The following CCT6A variants were observed in gnomAD, a reference collection of about 807,000 sequenced individuals.
CCT6A encodes chaperonin containing TCP1 subunit 6A.
In CCT6A, 6 loss-of-function variants were observed where a neutral mutation model predicts 58.6. The ratio of observed to expected loss-of-function variants is 0.10; its 90% CI spans 0.06 to 0.20. The LOEUF is 0.20. Among genes scored for constraint, CCT6A ranks in the 10% least tolerant of loss-of-function variants. CCT6A has a pLI of 1.00. For missense variants in CCT6A, 516 were observed against 648.8 expected (o/e 0.80, Z 2.22); for synonymous variants, 245 against 227.8 (o/e 1.08, Z -0.68).
rs1444310617 is a variant in CCT6A at position 56,060,967 on chromosome 7, TC to T, written c.1347+29del. On this transcript the variant is annotated intron_variant, in intron 11 of 13. Transcript: ENST00000275603. ...TGTGCATGCTTTTAACAGTCAATCT[TC>T]CAAAAGATTCAGCTGATCAAACCTT... The T allele has an allele frequency of 3.8e-6, 6 of 1,572,068 alleles. No individual in the cohort carries two copies. In the African/African-American group the frequency reaches 6.9e-5, roughly 18 times the overall value.
Position 56,051,785 on chromosome 7 carries a change from C to T in CCT6A, c.-64C>T, listed in dbSNP as rs997827517. ...TTTCCAGAAGACCCGGATAGTTCCT[C>T]CCGGCCACGCCGCGCCGGCTCTGGG... On this transcript the variant is annotated 5_prime_UTR_variant, in exon 1 of 14. Transcript: ENST00000275603. The T allele has an allele frequency of 4.6e-6, 7 of 1,531,442 alleles. No individual in the cohort carries two copies. Among genetic ancestry groups the T allele is most frequent in the Admixed American group, 4.0e-5 (2 of 49,752 alleles). The allele number at this position is 1,531,442 out of a possible 1,614,324, so 94.9% of individuals were successfully genotyped here.
chr7:56,061,983 T>G (rs1038839974), intron 12 of CCT6A, 134 bp downstream of exon 12: 2 of 507,740 alleles, frequency 3.9e-6, no homozygotes, highest in African/African-American at 4.1e-5. Flanking sequence ...TAAAATGGGA[T>G]AAAATAGGAT....
chr7:56,062,916 A>G, intron 13 of CCT6A, 97 bp from the exon 14 acceptor site: 1 of 1,155,220 alleles, frequency 8.7e-7, no homozygotes, highest in Non-Finnish European at 1.3e-6. Context: ...GGGAAATTTA[A>G]TTGGATGTAA....
rs1206668767 is a variant in CCT6A, at chr7:56,055,607, ATGTG to A, written c.337-13_337-10del. On this transcript the variant is annotated splice_polypyrimidine_tract_variant and intron_variant, in intron 3 of 13. Transcript: ENST00000275603. The stretch of plus-strand genomic sequence containing the variant: ...CACCTAATTGAAGATGCAAGTGTTA[ATGTG>A]TGTTTATTTTAGGGCCTTCATCCTA... 1.2e-6 allele frequency: 2 copies of A among 1,606,510 alleles called. No homozygotes were observed. The highest frequency in any genetic ancestry group is 8.5e-7 in the Non-Finnish European group (1 of 1,173,772).
intron 12 of CCT6A, 87 bp from the exon 13 acceptor site, chr7:56,062,596 A>G: frequency 2.8e-6 from 3 of 1,076,298 alleles, no homozygotes; most frequent in Non-Finnish European, 4.3e-6. Flanking sequence ...TACTGGAGGA[A>G]ATGAGTCATC....
chr7:56,062,517 T>G, intron 12 of CCT6A, 166 bp from the exon 13 acceptor site: 1 of 652,440 alleles, frequency 1.5e-6, no homozygotes, highest in South Asian at 1.8e-5. Flanking sequence ...CATCAAATAT[T>G]GTGGACGGGG....
rs1035076962 is a variant in CCT6A, at chr7:56,055,132, G to A, written c.337-492G>A. ...CTACTAAAAATACAAAAATTAGCCA[G>A]GCGTGGTGGTGCATGCCTGTAATCC... On this transcript the variant is annotated intron_variant, in intron 3 of 13. Coordinates refer to ENST00000275603, the MANE Select transcript of CCT6A (RefSeq NM_001762.4). Among the ~76,000 whole-genome samples the A allele has an allele frequency of 2.0e-5, 3 of 152,146 alleles. No individual in the cohort carries two copies. The East Asian group carries it at 5.8e-4, about 29-fold the overall frequency.
rs1041975364 is a variant in CCT6A, at chr7:56,051,837, G to C, written c.-12G>C. The C allele has an allele frequency of 6.4e-7, 1 of 1,555,142 alleles. No individual in the cohort carries two copies. Among genetic ancestry groups the C allele is most frequent in the Admixed American group, 1.9e-5 (1 of 51,898 alleles). The stretch of plus-strand genomic sequence containing the variant: ...ACTCAGCATCGTTTCCTTTTCCTCC[G>C]CTGGAGCAGCTATGGCGGCGGTGAA... On this transcript the variant is annotated 5_prime_UTR_variant, in exon 1 of 14. Coordinates refer to ENST00000275603, the MANE Select transcript of CCT6A (RefSeq NM_001762.4).
At chr7:56,058,216 G>C in intron 6 of CCT6A, 113 bp downstream of exon 6, 1 of 874,642 alleles carries the variant, frequency 1.1e-6, no homozygotes, top group Non-Finnish European at 1.8e-6. Context: ...AAATTGGTTT[G>C]GGGGAGCTAT....
At chr7:56,052,804 T>C (rs376587679) in intron 2 of CCT6A, among the ~76,000 whole-genome samples, 1 of 23,284 alleles carries the variant, frequency 4.3e-5, no homozygotes, top group Non-Finnish European at 1.3e-4. Context: ...TTTTTTTTTT[T>C]TTTTAATTAG....
chr7:56,058,930 C>T (rs1351774000), intron 8 of CCT6A: 1 of 337,528 alleles, frequency 3.0e-6, no homozygotes, highest in African/African-American at 2.1e-5. Flanking sequence ...CCCCTTGCCC[C>T]TTGTAAACAT....
At chr7:56,058,848 C>T (rs1418330124) in intron 8 of CCT6A, 146 bp downstream of exon 8, 2 of 514,904 alleles carry the variant, frequency 3.9e-6, no homozygotes, top group Admixed American at 3.4e-5. Context: ...CACTGTCCAT[C>T]TCTAGGACTT....
At chr7:56,058,873 A>G (rs914584623) in intron 8 of CCT6A, 171 bp downstream of exon 8, 10 of 486,212 alleles carry the variant, frequency 2.1e-5, no homozygotes, top group African/African-American at 1.2e-4. Context: ...CATCATCACA[A>G]ACTGAAACTG....
intron 8 of CCT6A, 83 bp from the exon 9 acceptor site, chr7:56,059,461 A>T: frequency 1.3e-6 from 1 of 770,030 alleles, no homozygotes; most frequent in South Asian, 1.4e-5. Context: ...ATTCTGAAAA[A>T]TTCCTTCCTA....
intron 2 of CCT6A, among the ~76,000 whole-genome samples, chr7:56,053,110 A>T (rs1225992164): frequency 6.6e-6 from 1 of 152,144 alleles, no homozygotes; most frequent in African/African-American, 2.4e-5. Flanking sequence ...TTAAAACAGC[A>T]GTTTCTCTGT....
Position 56,063,429 on chromosome 7 carries a change from A to G in CCT6A, c.*344A>G, listed in dbSNP as rs1321584502. On this transcript the variant is annotated 3_prime_UTR_variant, in exon 14 of 14. Coordinates refer to ENST00000275603, the MANE Select transcript of CCT6A (RefSeq NM_001762.4). ...ATTTTAATGGTTTAATTTTATGTGG[A>G]CGTATGTTAAATTATCCAACTACCC... is the stretch of plus-strand genomic sequence containing the variant. The G allele has an allele frequency of 3.1e-5, 8 of 254,954 alleles. No individual in the cohort carries two copies. Among genetic ancestry groups the G allele is most frequent in the Admixed American group, 5.1e-5 (1 of 19,664 alleles). The allele number at this position is 254,954 out of a possible 1,614,324, so 15.8% of individuals were successfully genotyped here. A position where few individuals can be genotyped will look rare whatever the true frequency, so the allele number is the denominator to read the frequency against.
intron 3 of CCT6A, 25 bp downstream of exon 3, chr7:56,054,528 A>G: frequency 6.3e-7 from 1 of 1,582,176 alleles, no homozygotes; most frequent in South Asian, 1.1e-5. Flanking sequence ...TGTTTCTGTA[A>G]TTTTTTTTTG....
In CCT6A at chr7:56,052,468, G is replaced by A; in HGVS notation, c.184G>A (p.Val62Met). 1 of 1,614,004 alleles carries A rather than the reference G, an allele frequency of 6.2e-7. No individual in the cohort carries two copies. The highest frequency in any genetic ancestry group is 8.5e-7 in the Non-Finnish European group (1 of 1,179,848). ...CATCAAACTTACTAAAGACGGCAAT[G>A]TGCTGCTTCACGAAATGGTGAGAGG... ...GDIKLTKDGN[V>M]LLHEMQIQHP... The change falls in exon 2 of 14, where the codon GTG becomes ATG. Residue 62 changes from valine to methionine, a missense_variant. Around this residue, in one of 3 missense-constraint regions of CCT6A, gnomAD observed 116 missense variants for 184.5 expected, o/e 0.63. Transcript: ENST00000275603.
intron 3 of CCT6A, chr7:56,055,251 G>A (rs1794281438): frequency 3.8e-6 from 1 of 265,832 alleles, no homozygotes; most frequent in Non-Finnish European, 7.6e-6. Flanking sequence ...TCCAGCCTGG[G>A]TAACAAGTGC....
Sources: gnomAD v4.1 joint callset for allele counts (sites outside exome capture counted in the v4.1 genomes callset) on GRCh38, gnomAD v4.1.1 for gene constraint, gnomAD v4.1.1 regional missense constraint, MANE v1.5 for transcripts, NCBI Gene and HGNC (gene_info 2026-07-23, HGNC 2026-07-21) for gene names.